Variants in ARHGAP15 observed in about 807,000 individuals in gnomAD.
ARHGAP15 encodes the protein rho GTPase-activating protein 15.
ARHGAP15 carries 51 observed loss-of-function variants against 63.7 expected under a neutral mutation model. The ratio of observed to expected loss-of-function variants is 0.80; its 90% CI spans 0.64 to 1.01. ARHGAP15 has a LOEUF of 1.01. ARHGAP15 is among the 50% of genes least tolerant of loss of function. The pLI, the probability that ARHGAP15 is intolerant of heterozygous loss-of-function variation, is 0.00. For synonymous variants in ARHGAP15, 191 were observed against 193.8 expected, an observed-to-expected ratio of 0.99 and a Z score of 0.12; for missense variants, 560 against 564.6, an observed-to-expected ratio of 0.99 and a Z score of 0.08.
intron 6 of ARHGAP15, among the ~76,000 whole-genome samples, chr2:143,331,061 C>CA (rs1684526548): frequency 6.6e-6 from 1 of 152,138 alleles, no homozygotes; most frequent in Non-Finnish European, 1.5e-5. Context: ...GGACAGAAGT[C>CA]ATACCTGCAG....
At chr2:143,347,928 G>A (rs1685368343) in intron 6 of ARHGAP15, among the ~76,000 whole-genome samples, 1 of 151,318 alleles carries the variant, frequency 6.6e-6, no homozygotes, top group Non-Finnish European at 1.5e-5. Flanking sequence ...TCATAATTTT[G>A]AGAGATTTTG....
chr2:143,760,390 A>G (rs1225730936), intron 13 of ARHGAP15, among the ~76,000 whole-genome samples: 1 of 152,180 alleles, frequency 6.6e-6, no homozygotes, highest in African/African-American at 2.4e-5. Context: ...CTACTATGTC[A>G]GGGTTTTGGT....
intron 6 of ARHGAP15, among the ~76,000 whole-genome samples, chr2:143,352,563 T>C (rs1346739609): frequency 6.6e-6 from 1 of 152,216 alleles, no homozygotes; most frequent in Non-Finnish European, 1.5e-5. Context: ...TGAGGGAATT[T>C]GCATGTGCTA....
rs527460657 is a variant in ARHGAP15 at position 143,380,107 on chromosome 2, G to C, written c.475-55494G>C. Reference sequence around the variant, plus strand: ...CTAATCTAATTGGAGAATTGAGTAGGCAACTGATAGTGTAAACAAAACAGA... The same window carrying C: ...CTAATCTAATTGGAGAATTGAGTAGCCAACTGATAGTGTAAACAAAACAGA... On this transcript the variant is annotated intron_variant, in intron 6 of 13. Coordinates refer to ENST00000295095, the MANE Select transcript of ARHGAP15 (RefSeq NM_018460.4). Among the ~76,000 whole-genome samples, 6 of 152,150 alleles carry C rather than the reference G, an allele frequency of 3.9e-5. No individual in the cohort carries two copies. In the East Asian group the frequency reaches 1.2e-3, roughly 29 times the overall value.
At chr2:143,561,594 C>A (rs1275149185) in intron 11 of ARHGAP15, among the ~76,000 whole-genome samples, 3 of 151,040 alleles carry the variant, frequency 2.0e-5, no homozygotes, top group Non-Finnish European at 2.9e-5. Context: ...CGGCTCACTG[C>A]AACCTCCACC....
chr2:143,379,487 A>ATGTGTGTGTGTGTGTGTG (rs58976215), intron 6 of ARHGAP15, among the ~76,000 whole-genome samples: 117 of 129,834 alleles, frequency 9.0e-4, no homozygotes, highest in Non-Finnish European at 1.4e-3. Context: ...AGGCATATAT[A>ATGTGTGTGTGTGTGTGTG]TGTGTGTGTG....
chr2:143,612,093 A>G (rs1450272031), intron 11 of ARHGAP15, among the ~76,000 whole-genome samples: 1 of 152,174 alleles, frequency 6.6e-6, no homozygotes, highest in Non-Finnish European at 1.5e-5. Context: ...CAAACTTTTG[A>G]CAATTCTTTC....
At chr2:143,524,927 ATTG>A (rs751645342) in intron 10 of ARHGAP15, among the ~76,000 whole-genome samples, 18 of 152,180 alleles carry the variant, frequency 1.2e-4, no homozygotes, top group Non-Finnish European at 2.2e-4. Flanking sequence ...AGTAGCAAGC[ATTG>A]TAGTTGTTAA....
At chr2:143,423,897 A>G (rs1272793788) in intron 6 of ARHGAP15, among the ~76,000 whole-genome samples, 1 of 152,140 alleles carries the variant, frequency 6.6e-6, no homozygotes, top group Non-Finnish European at 1.5e-5. Flanking sequence ...AAATTGTTCA[A>G]AGTTATGCAG....
intron 10 of ARHGAP15, among the ~76,000 whole-genome samples, chr2:143,534,642 G>A (rs1470308021): frequency 6.6e-6 from 1 of 152,110 alleles, no homozygotes; most frequent in African/African-American, 2.4e-5. Context: ...ACTTTGGGAG[G>A]CTGAGGTGGG....
intron 1 of ARHGAP15, among the ~76,000 whole-genome samples, chr2:143,146,698 T>C (rs778284826): frequency 6.6e-6 from 1 of 152,036 alleles, no homozygotes; most frequent in African/African-American, 2.4e-5. Flanking sequence ...TTAAATGCAT[T>C]AAAGGAGATA....
In ARHGAP15 at chr2:143,263,295, G is replaced by A. The variant is rs148789055; in HGVS notation, c.474+12695G>A. On this transcript the variant is annotated intron_variant, in intron 6 of 13. Transcript: ENST00000295095. ...GCTAATTCAGCATTCTTAAAGATCT[G>A]GAATGGTAGGGCAGGCAGAGACACC... Among the ~76,000 whole-genome samples, 123 of 152,210 alleles carry A rather than the reference G, an allele frequency of 8.1e-4. 1 individual carries two copies. The highest frequency in any genetic ancestry group is 8.5e-4 in the Admixed American group (13 of 15,286).
At chr2:143,483,976 C>G (rs1692193770) in intron 8 of ARHGAP15, among the ~76,000 whole-genome samples, 1 of 152,146 alleles carries the variant, frequency 6.6e-6, no homozygotes, top group Non-Finnish European at 1.5e-5. Context: ...ACCTGTAATT[C>G]CAGCACTTTG....
At chr2:143,293,231 G>A (rs1270881143) in intron 6 of ARHGAP15, among the ~76,000 whole-genome samples, 1 of 151,962 alleles carries the variant, frequency 6.6e-6, no homozygotes, top group Non-Finnish European at 1.5e-5. Flanking sequence ...CACCCAATAA[G>A]CATTCACTGA....
At chr2:143,483,009 G>A (rs1692148681) in intron 8 of ARHGAP15, among the ~76,000 whole-genome samples, 1 of 152,206 alleles carries the variant, frequency 6.6e-6, no homozygotes, top group Non-Finnish European at 1.5e-5. Flanking sequence ...GTAATCATTA[G>A]AGCCAACTTT....
At chr2:143,232,833 CT>C (rs1419178224) in intron 5 of ARHGAP15, among the ~76,000 whole-genome samples, 1 of 152,066 alleles carries the variant, frequency 6.6e-6, no homozygotes, top group Non-Finnish European at 1.5e-5. Context: ...GTGTATGTTT[CT>C]TTTGTTTCTT....
At chr2:143,567,146 A>G (rs147187711) in intron 11 of ARHGAP15, among the ~76,000 whole-genome samples, 1,568 of 152,184 alleles carry the variant, frequency 0.01, 28 homozygotes, top group African/African-American at 0.036. Context: ...AAGTGCTGGC[A>G]TTACAGGGGT....
chr2:143,494,785 C>G (rs1283867873), intron 9 of ARHGAP15, among the ~76,000 whole-genome samples: 1 of 152,194 alleles, frequency 6.6e-6, no homozygotes, highest in East Asian at 1.9e-4. Context: ...TTAGGGTGGT[C>G]TGCTGGTGCA....
chr2:143,581,280 G>C (rs1277353200), intron 11 of ARHGAP15, among the ~76,000 whole-genome samples: 1 of 152,008 alleles, frequency 6.6e-6, no homozygotes, highest in Non-Finnish European at 1.5e-5. Context: ...CAGAGAACTG[G>C]GCTCATTGTG....
Sources: gnomAD v4.1 joint callset for allele counts (sites outside exome capture counted in the v4.1 genomes callset) on GRCh38, gnomAD v4.1.1 for gene constraint, MANE v1.5 for transcripts, NCBI Gene and HGNC (gene_info 2026-07-23, HGNC 2026-07-21) for gene names.